The following UBE2H variants were observed in gnomAD, a reference collection of about 807,000 sequenced individuals.
UBE2H encodes the protein ubiquitin conjugating enzyme E2 H, also known as ubiquitin-conjugating enzyme E2 H.
UBE2H carries 3 observed loss-of-function variants against 29.0 expected under a neutral mutation model. That is an observed-to-expected ratio of 0.10 (90% CI 0.05 to 0.27). The LOEUF is 0.27. Ranked by LOEUF, UBE2H falls within the 10% of genes least tolerant of loss-of-function variation. The probability of loss-of-function intolerance (pLI) is 1.00; values close to 1 mark genes in which losing one functional copy is unlikely to be tolerated. For missense variants in UBE2H, 68 were observed against 228.2 expected (o/e 0.30, Z 4.52); for synonymous variants, 69 against 82.9 (o/e 0.83, Z 0.91).
chr7:129,922,487 T>C (rs943102420), intron 1 of UBE2H, among the ~76,000 whole-genome samples: 5 of 149,994 alleles, frequency 3.3e-5, no homozygotes, highest in African/African-American at 1.2e-4. Context: ...ATTTTGGCCA[T>C]GCTGGTCTCG....
intron 1 of UBE2H, among the ~76,000 whole-genome samples, chr7:129,889,717 C>T (rs973381350): frequency 1.3e-5 from 2 of 152,152 alleles, no homozygotes; most frequent in African/African-American, 4.8e-5. Context: ...TGTAGTGGTT[C>T]ATACCTATTT....
chr7:129,863,808 G>GTTTTTTTTTTTCTGTTTT (rs1554432032), intron 3 of UBE2H, among the ~76,000 whole-genome samples: 6,861 of 135,612 alleles, frequency 0.051, 255 homozygotes, highest in Non-Finnish European at 0.075. Context: ...AATACTAGGT[G>GTTTTTTTTTTTCTGTTTT]TTTTTTTTTT....
chr7:129,860,333 G>A (rs1367978865), intron 3 of UBE2H, among the ~76,000 whole-genome samples: 1 of 151,916 alleles, frequency 6.6e-6, no homozygotes, highest in Non-Finnish European at 1.5e-5. Flanking sequence ...AAGTTACTCT[G>A]ATGAAAAAAA....
intron 3 of UBE2H, among the ~76,000 whole-genome samples, chr7:129,873,458 C>G (rs1216723414): frequency 7.2e-6 from 1 of 139,528 alleles, no homozygotes; most frequent in Non-Finnish European, 1.5e-5. Context: ...TTTCTTGAGA[C>G]CGGTTTCACT....
At chr7:129,886,072 TTC>T (rs1364581294) in intron 1 of UBE2H, among the ~76,000 whole-genome samples, 5 of 152,220 alleles carry the variant, frequency 3.3e-5, no homozygotes, top group Admixed American at 2.6e-4. Context: ...CCTCATTACT[TTC>T]TCTGTTTCAC....
chr7:129,928,686 A>G (rs542394979), intron 1 of UBE2H, among the ~76,000 whole-genome samples: 17 of 152,224 alleles, frequency 1.1e-4, no homozygotes, highest in Non-Finnish European at 2.2e-4. Context: ...CAACACAAAG[A>G]AGTGATAAAT....
intron 3 of UBE2H, among the ~76,000 whole-genome samples, chr7:129,865,863 A>T (rs1385395656): frequency 6.6e-6 from 1 of 152,230 alleles, no homozygotes; most frequent in African/African-American, 2.4e-5. Flanking sequence ...ATCTCAGACT[A>T]TAAATTATTT....
chr7:129,852,406 G>A (rs1024312265), intron 5 of UBE2H, among the ~76,000 whole-genome samples: 2 of 151,780 alleles, frequency 1.3e-5, no homozygotes, highest in African/African-American at 2.4e-5. Flanking sequence ...GGCGGAGCTC[G>A]CAGTGAACTG....
intron 1 of UBE2H, among the ~76,000 whole-genome samples, chr7:129,910,355 A>G (rs1806907682): frequency 6.6e-6 from 1 of 151,626 alleles, no homozygotes; most frequent in African/African-American, 2.4e-5. Context: ...CAAAAACAAA[A>G]AGGCCAAAAG....
intron 3 of UBE2H, 94 bp downstream of exon 3, chr7:129,879,469 GACAGC>G: frequency 8.7e-7 from 1 of 1,144,712 alleles, no homozygotes; most frequent in South Asian, 1.3e-5. Flanking sequence ...AATTCAATTA[GACAGC>G]CATTTCTGGC....
chr7:129,928,990 T>C (rs1415093895), intron 1 of UBE2H, among the ~76,000 whole-genome samples: 1 of 152,218 alleles, frequency 6.6e-6, no homozygotes. Context: ...GAGTGCACTG[T>C]CAATTGCCCA....
chr7:129,884,391 T>C (rs1806316190), intron 1 of UBE2H, among the ~76,000 whole-genome samples: 2 of 146,114 alleles, frequency 1.4e-5, no homozygotes, highest in Admixed American at 1.4e-4. Flanking sequence ...CATTCCAGCC[T>C]GGGCGACAGA....
At chr7:129,838,896 C>CA (rs1401858610) in intron 6 of UBE2H, among the ~76,000 whole-genome samples, 1 of 152,150 alleles carries the variant, frequency 6.6e-6, no homozygotes, top group African/African-American at 2.4e-5. Context: ...CTCGGGCTAC[C>CA]AAAGTGCTGG....
At chr7:129,925,457 T>C (rs1411466798) in intron 1 of UBE2H, among the ~76,000 whole-genome samples, 3 of 152,140 alleles carry the variant, frequency 2.0e-5, no homozygotes, top group Non-Finnish European at 2.9e-5. Context: ...GCTAGGCCTA[T>C]ACAATAATGC....
chr7:129,862,010 T>C (rs531533380), intron 3 of UBE2H, among the ~76,000 whole-genome samples: 3 of 152,224 alleles, frequency 2.0e-5, no homozygotes, highest in African/African-American at 4.8e-5. Flanking sequence ...AAATCTCGTA[T>C]CTTAACACTC....
At chr7:129,897,953 T>C (rs1404940734) in intron 1 of UBE2H, among the ~76,000 whole-genome samples, 1 of 152,142 alleles carries the variant, frequency 6.6e-6, no homozygotes, top group Non-Finnish European at 1.5e-5. Context: ...TTATTATCTT[T>C]ATCAACATTT....
At position 129,883,423 on chromosome 7, in the gene UBE2H, G is replaced by A. The variant is rs533275381; in HGVS notation, c.54-2452C>T. Among the ~76,000 whole-genome samples the A allele has an allele frequency of 2.6e-5, 4 of 152,280 alleles. No homozygotes were observed. In the South Asian group the frequency reaches 6.2e-4, roughly 24 times the overall value. On this transcript the variant is annotated intron_variant, in intron 1 of 6. Transcript: ENST00000355621. ...ATGGATAGTTACATTCACCGAAACC[G>A]ATGTTTAAGAATGTTCACAGGACTA... is the stretch of plus-strand genomic sequence containing the variant.
At chr7:129,879,513 T>G (rs1806212541) in intron 3 of UBE2H, 55 bp downstream of exon 3, 2 of 1,513,708 alleles carry the variant, frequency 1.3e-6, no homozygotes, top group Non-Finnish European at 1.8e-6. Flanking sequence ...AATGTAAGAT[T>G]TTTCCCCCTT....
At chr7:129,932,273 G>A (rs574234067) in intron 1 of UBE2H, among the ~76,000 whole-genome samples, 20 of 150,618 alleles carry the variant, frequency 1.3e-4, no homozygotes, top group African/African-American at 3.2e-4. Context: ...ACAGGCGCCC[G>A]CCACCACGCC....
Sources: allele counts gnomAD v4.1 joint callset (sites outside exome capture counted in the v4.1 genomes callset), GRCh38; gene constraint gnomAD v4.1.1; transcripts MANE v1.5; gene names NCBI Gene and HGNC (gene_info 2026-07-23, HGNC 2026-07-21).